Variants in LARP6 observed in about 807,000 individuals in gnomAD.
LARP6 encodes La ribonucleoprotein 6, translational regulator, also known as la-related protein 6.
A neutral mutation model predicts 32.8 loss-of-function variants in LARP6; 18 were observed. The observed-to-expected ratio is 0.55, with a 90% CI of 0.38 to 0.81. The LOEUF is 0.81. Among genes scored for constraint, LARP6 ranks in the 40% least tolerant of loss-of-function variants. The pLI is 0.00. For synonymous variants in LARP6, 289 were observed against 267.2 expected, an observed-to-expected ratio of 1.08 and a Z score of -0.80; for missense variants, 598 against 663.1, an observed-to-expected ratio of 0.90 and a Z score of 1.08.
chr15:70,833,602 A>G (rs1038219192), intron 2 of LARP6, among the ~76,000 whole-genome samples: 1 of 152,224 alleles, frequency 6.6e-6, no homozygotes, highest in East Asian at 1.9e-4. Context: ...GTACAGACAC[A>G]TACAAACTCA....
At chr15:70,834,436 TG>T (rs1442559643) in intron 2 of LARP6, among the ~76,000 whole-genome samples, 1 of 152,184 alleles carries the variant, frequency 6.6e-6, no homozygotes, top group Non-Finnish European at 1.5e-5. Flanking sequence ...TGTGAGGCTG[TG>T]GGAAAGCCAG....
chr15:70,851,635 T>C, intron 1 of LARP6: 6 of 1,612,922 alleles, frequency 3.7e-6, no homozygotes, highest in Non-Finnish European at 5.1e-6. Flanking sequence ...TCAACAAACA[T>C]GTCCTATGTG....
intron 1 of LARP6, among the ~76,000 whole-genome samples, chr15:70,839,408 C>A: frequency 6.7e-6 from 1 of 149,804 alleles, no homozygotes; most frequent in Non-Finnish European, 1.5e-5. Context: ...CCACTGCCCT[C>A]CAGTCTGGGT....
intron 1 of LARP6, among the ~76,000 whole-genome samples, chr15:70,837,024 T>C (rs570042776): frequency 4.0e-4 from 61 of 152,240 alleles, no homozygotes; most frequent in African/African-American, 1.4e-3. Flanking sequence ...AGGAGAGGTT[T>C]GCCCCCAAAC....
intron 1 of LARP6, among the ~76,000 whole-genome samples, chr15:70,847,899 C>T (rs905961505): frequency 4.0e-4 from 60 of 151,746 alleles, no homozygotes; most frequent in African/African-American, 1.5e-3. Context: ...ATTTTGACCA[C>T]CAAGACCAAG....
chr15:70,845,242 G>A (rs946744899), intron 1 of LARP6, among the ~76,000 whole-genome samples: 30 of 151,824 alleles, frequency 2.0e-4, no homozygotes, highest in Admixed American at 1.8e-3. Flanking sequence ...CCCTTTTTCC[G>A]TTCCAGGATC....
At chr15:70,835,916 A>C (rs2032138551) in intron 2 of LARP6, among the ~76,000 whole-genome samples, 1 of 152,168 alleles carries the variant, frequency 6.6e-6, no homozygotes, top group Non-Finnish European at 1.5e-5. Context: ...TGACAAATGA[A>C]AAGCTTGAAT....
intron 1 of LARP6, among the ~76,000 whole-genome samples, chr15:70,851,049 T>G (rs74957043): frequency 4.6e-5 from 7 of 152,144 alleles, no homozygotes; most frequent in African/African-American, 1.7e-4. Context: ...GTGGCACAAT[T>G]TGGGGAATCT....
chr15:70,849,368 C>CA lies in LARP6; in HGVS notation c.200+4520dup, dbSNP rs768212279. On this transcript the variant is annotated intron_variant, in intron 1 of 2. Coordinates refer to ENST00000299213, the MANE Select transcript of LARP6 (RefSeq NM_018357.4). ...GCAAGACCCTGTCTCAAAAACAAAACAAACAAACAAACAAACAAACAAAAA... is the reference window on the plus strand; with the variant it reads ...GCAAGACCCTGTCTCAAAAACAAAACAAAACAAACAAACAAACAAACAAAAA... The CA allele has an allele frequency of 1.6e-4, 9 of 57,314 alleles. No homozygotes were observed. In the East Asian group the frequency reaches 3.6e-3, roughly 23 times the overall value. The allele number at this position is 57,314 out of a possible 1,614,324, so 3.6% of individuals were successfully genotyped here. A position where few individuals can be genotyped will look rare whatever the true frequency, so the allele number is the denominator to read the frequency against.
At chr15:70,833,764 G>A (rs1160875490) in intron 2 of LARP6, among the ~76,000 whole-genome samples, 1 of 152,150 alleles carries the variant, frequency 6.6e-6, no homozygotes, top group African/African-American at 2.4e-5. Context: ...CTGCATTTCT[G>A]CATTTGATAC....
At chr15:70,835,530 G>A (rs2032130560) in intron 2 of LARP6, among the ~76,000 whole-genome samples, 1 of 152,224 alleles carries the variant, frequency 6.6e-6, no homozygotes, top group Non-Finnish European at 1.5e-5. Context: ...AAGGAGAAAA[G>A]CTCTCCTCCA....
Position 70,853,947 on chromosome 15 carries a change from G to C in LARP6, c.142C>G (p.Arg48Gly), listed in dbSNP as rs1483009405. 4.1e-6 allele frequency: 6 copies of C among 1,446,614 alleles called. No individual in the cohort carries two copies. Among genetic ancestry groups the C allele is most frequent in the South Asian group, 1.4e-5 (1 of 73,626 alleles). 89.6% of individuals were successfully genotyped at this position (1,446,614 alleles called of 1,614,324 possible). A position where few individuals can be genotyped will look rare whatever the true frequency, so the allele number is the denominator to read the frequency against. ...CTGCCCCAGCCGGGGCTGAGGTACC[G>C]GGCCGGGTCCCCGGCGCCCCGAGTC... ...AETRGAGDPA[R>G]YLSPGWGSAS... is the part of the protein sequence containing the mutation. Residue 48 changes from arginine (R) to glycine (G), a missense_variant, in exon 1 of 3, where the codon CGG becomes GGG. Arg to Gly is a moderately radical substitution (Grantham distance 125). Transcript: ENST00000299213.
chr15:70,839,007 A>T (rs1213560056), intron 1 of LARP6, among the ~76,000 whole-genome samples: 2 of 152,124 alleles, frequency 1.3e-5, no homozygotes, highest in African/African-American at 4.8e-5. Flanking sequence ...AAATCTATTT[A>T]AAAATTTTTC....
intron 1 of LARP6, among the ~76,000 whole-genome samples, chr15:70,843,210 G>T (rs1298043555): frequency 6.6e-6 from 1 of 152,048 alleles, no homozygotes; most frequent in Non-Finnish European, 1.5e-5. Context: ...ATTATAAAGT[G>T]CTTATTTCAT....
At chr15:70,838,923 A>G (rs971050556) in intron 1 of LARP6, among the ~76,000 whole-genome samples, 2 of 151,534 alleles carry the variant, frequency 1.3e-5, no homozygotes, top group African/African-American at 4.8e-5. Context: ...AAAAAAAAAA[A>G]AAAAGAAAAG....
intron 1 of LARP6, among the ~76,000 whole-genome samples, chr15:70,837,958 G>A (rs746760788): frequency 4.6e-5 from 7 of 152,302 alleles, no homozygotes; most frequent in East Asian, 1.9e-4. Flanking sequence ...GATGGGACCC[G>A]AGTCTAAACG....
At position 70,831,601 on chromosome 15, in the gene LARP6, C is replaced by T. The variant is rs981175830; in HGVS notation, c.*451G>A. ...GACAGGTAACATCGATTTGGTCCTA[C>T]AAGACACCATGCTATAGGCTTAGCT... On this transcript the variant is annotated 3_prime_UTR_variant, in exon 3 of 3. Transcript: ENST00000299213. 1 of 152,580 alleles carries T rather than the reference C, an allele frequency of 6.6e-6. No homozygotes were observed. Among genetic ancestry groups the T allele is most frequent in the African/African-American group, 2.4e-5 (1 of 41,436 alleles). 9.5% of individuals were successfully genotyped at this position (152,580 alleles called of 1,614,324 possible).
chr15:70,847,856 C>T (rs1181416284), intron 1 of LARP6, among the ~76,000 whole-genome samples: 1 of 151,926 alleles, frequency 6.6e-6, no homozygotes, highest in East Asian at 1.9e-4. Context: ...TTTTCAGACT[C>T]ATTGTCTATC....
chr15:70,833,157 C>T, intron 2 of LARP6, 41 bp from the exon 3 acceptor site: 1 of 1,524,954 alleles, frequency 6.6e-7, no homozygotes, highest in Non-Finnish European at 9.1e-7. Flanking sequence ...ATCTAATGTC[C>T]TTGTCCATCC....
Sources: gnomAD v4.1 joint callset for allele counts (sites outside exome capture counted in the v4.1 genomes callset) on GRCh38, gnomAD v4.1.1 for gene constraint, MANE v1.5 for transcripts, NCBI Gene and HGNC (gene_info 2026-07-23, HGNC 2026-07-21) for gene names.